The following NRG1 variants were observed in gnomAD, a reference collection of about 807,000 sequenced individuals.
NRG1 encodes the protein neuregulin 1, also known as pro-neuregulin-1, membrane-bound isoform.
NRG1 carries 18 observed loss-of-function variants against 63.8 expected under a neutral mutation model. The observed-to-expected ratio is 0.28, with a 90% CI of 0.19 to 0.42. The LOEUF (loss-of-function observed/expected upper bound fraction) is 0.42, where lower values mean the gene tolerates loss of function less well. Among genes scored for constraint, NRG1 ranks in the 10% least tolerant of loss-of-function variants. The probability of loss-of-function intolerance (pLI) is 1.00; values close to 1 mark genes in which losing one functional copy is unlikely to be tolerated. For missense variants in NRG1, 762 were observed against 814.7 expected (o/e 0.94, Z 0.79); for synonymous variants, 302 against 301.3 (o/e 1.00, Z -0.02).
chr8:31,980,101 G>A (rs1421089419), intron 1 of NRG1, among the ~76,000 whole-genome samples: 2 of 152,014 alleles, frequency 1.3e-5, no homozygotes, highest in African/African-American at 4.8e-5. Flanking sequence ...CAGCCAAGGT[G>A]ATGGAATTAG....
intron 1 of NRG1, among the ~76,000 whole-genome samples, chr8:32,402,367 G>A (rs1015443532): frequency 3.6e-4 from 54 of 152,054 alleles, no homozygotes; most frequent in South Asian, 8.3e-4. Context: ...TCTGATTCGT[G>A]GCTTTGATTT....
At chr8:32,498,195 T>C (rs2129495971) in intron 1 of NRG1, among the ~76,000 whole-genome samples, 1 of 152,224 alleles carries the variant, frequency 6.6e-6, no homozygotes, top group Middle Eastern at 3.4e-3. Context: ...GTGGTTAGAC[T>C]AGGGGGTTTA....
chr8:32,224,618 GTAAT>G (rs1192790257), intron 1 of NRG1, among the ~76,000 whole-genome samples: 3 of 152,192 alleles, frequency 2.0e-5, no homozygotes, highest in African/African-American at 7.2e-5. Flanking sequence ...CAAGAACTGT[GTAAT>G]TAAACCAGTG....
chr8:31,856,196 C>A (rs1199534344), intron 1 of NRG1, among the ~76,000 whole-genome samples: 2 of 152,180 alleles, frequency 1.3e-5, no homozygotes, highest in East Asian at 3.8e-4. Context: ...TGGATAATAT[C>A]CTGCAGAGTA....
intron 5 of NRG1, among the ~76,000 whole-genome samples, chr8:32,708,455 T>TC (rs1270983568): frequency 6.6e-6 from 1 of 152,192 alleles, no homozygotes; most frequent in Non-Finnish European, 1.5e-5. Context: ...TTGATAGCTT[T>TC]CCCCAAATTC....
intron 1 of NRG1, among the ~76,000 whole-genome samples, chr8:32,173,597 T>A (rs1208297883): frequency 1.3e-5 from 2 of 151,920 alleles, no homozygotes; most frequent in South Asian, 2.1e-4. Flanking sequence ...AGGAAACCCA[T>A]CTCACGTGCA....
chr8:32,728,940 C>T (rs1046380909), intron 6 of NRG1, among the ~76,000 whole-genome samples: 9 of 152,116 alleles, frequency 5.9e-5, no homozygotes, highest in South Asian at 2.1e-4. Context: ...TGGTGGCACA[C>T]GCCTGTAGTC....
chr8:31,934,079 T>A (rs934032741), intron 1 of NRG1, among the ~76,000 whole-genome samples: 1 of 152,156 alleles, frequency 6.6e-6, no homozygotes, highest in Non-Finnish European at 1.5e-5. Context: ...CTTTTATAAA[T>A]CATGTGCATA....
chr8:31,699,959 A>T (rs1810468340), intron 1 of NRG1, among the ~76,000 whole-genome samples: 1 of 152,172 alleles, frequency 6.6e-6, no homozygotes, highest in Admixed American at 6.5e-5. Flanking sequence ...TTATTCATAA[A>T]AATACGAAAA....
chr8:31,905,611 A>G (rs1026923755), intron 1 of NRG1, among the ~76,000 whole-genome samples: 1 of 152,206 alleles, frequency 6.6e-6, no homozygotes, highest in Non-Finnish European at 1.5e-5. Flanking sequence ...AGGCTGCATT[A>G]TAAACTCAGT....
chr8:31,639,999 C>G lies in NRG1; in HGVS notation c.37+568C>G, dbSNP rs761240700. ...CACCTCGCACCATGAGATGGCGACG[C>G]GCCCCGCGCCGCTCCGGGCGTCCCG... On this transcript the variant is annotated intron_variant, in intron 1 of 10. Coordinates refer to the NRG1 transcript ENST00000519301. 5.4e-5 allele frequency: 61 copies of G among 1,122,022 alleles called. No individual in the cohort carries two copies. The Middle Eastern group carries it at 2.9e-3, about 54-fold the overall frequency. 69.5% of individuals were successfully genotyped at this position (1,122,022 alleles called of 1,614,324 possible).
At chr8:31,826,461 C>T (rs1824572602) in intron 1 of NRG1, among the ~76,000 whole-genome samples, 1 of 152,222 alleles carries the variant, frequency 6.6e-6, no homozygotes, top group Non-Finnish European at 1.5e-5. Flanking sequence ...CCATGTAAGA[C>T]ATGCCTTTGC....
intron 1 of NRG1, among the ~76,000 whole-genome samples, chr8:32,472,329 C>T (rs1823952794): frequency 1.3e-5 from 2 of 152,084 alleles, no homozygotes; most frequent in African/African-American, 4.8e-5. Context: ...GCCATGACAC[C>T]CTGCTAATTT....
At chr8:32,492,972 T>A (rs1294689677) in intron 1 of NRG1, among the ~76,000 whole-genome samples, 1 of 152,054 alleles carries the variant, frequency 6.6e-6, no homozygotes, top group African/African-American at 2.4e-5. Flanking sequence ...AAAAATAAGG[T>A]GGAGACTGGA....
chr8:32,608,107 G>GT lies in NRG1; in HGVS notation c.400+2439dup, dbSNP rs1224928528. 5.9e-3 allele frequency among the ~76,000 whole-genome samples: 623 copies of GT among 104,750 alleles called. 7 individuals carry two copies. The highest frequency in any genetic ancestry group is 0.016 in the African/African-American group (416 of 26,524). 68.7% of individuals were successfully genotyped at this position (104,750 alleles called of 152,430 possible). A position where few individuals can be genotyped will look rare whatever the true frequency, so the allele number is the denominator to read the frequency against. On this transcript the variant is annotated intron_variant, in intron 3 of 11. Transcript: ENST00000356819. ...GGTTTTTTTTGTTTTTTTTTTTTTT[G>GT]TTTTTTTTTTTTTTTGCTTCATTCC...
chr8:31,879,537 G>A (rs747187055), intron 1 of NRG1, among the ~76,000 whole-genome samples: 2 of 152,264 alleles, frequency 1.3e-5, no homozygotes, highest in Admixed American at 6.5e-5. Flanking sequence ...TCTGGAAGAG[G>A]TAGAGAGCAT....
intron 1 of NRG1, among the ~76,000 whole-genome samples, chr8:32,497,360 TC>T (rs1827324657): frequency 6.7e-6 from 1 of 148,938 alleles, no homozygotes; most frequent in African/African-American, 2.5e-5. Context: ...GGCAGGAGAA[TC>T]ACTTGAACCT....
chr8:32,544,519 T>C (rs1832881726), upstream of NRG1, among the ~76,000 whole-genome samples: 1 of 145,894 alleles, frequency 6.9e-6, no homozygotes, highest in Non-Finnish European at 1.5e-5. Flanking sequence ...TTATTTATTG[T>C]TATGAGACAG....
At chr8:31,967,096 T>A (rs1416313144) in intron 1 of NRG1, among the ~76,000 whole-genome samples, 1 of 152,006 alleles carries the variant, frequency 6.6e-6, no homozygotes, top group Non-Finnish European at 1.5e-5. Context: ...GCCCTGGGAG[T>A]GTATTGAAAA....
Sources: allele counts gnomAD v4.1 joint callset (sites outside exome capture counted in the v4.1 genomes callset), GRCh38; gene constraint gnomAD v4.1.1; transcripts MANE v1.5; gene names NCBI Gene and HGNC (gene_info 2026-07-23, HGNC 2026-07-21).